The following PLD5 variants were observed in gnomAD, a reference collection of about 807,000 sequenced individuals.
The protein encoded by PLD5 is phospholipase D family member 5, also known as inactive phospholipase D5.
PLD5 carries 36 observed loss-of-function variants against 61.1 expected under a neutral mutation model. That is an observed-to-expected ratio of 0.59 (90% CI 0.45 to 0.78). The LOEUF (loss-of-function observed/expected upper bound fraction) is 0.78. PLD5 is among the 30% of genes least tolerant of loss of function. PLD5 has a pLI of 0.00. For synonymous variants in PLD5, 243 were observed against 242.8 expected (o/e 1.00, Z -0.01); for missense variants, 515 against 644.4 (o/e 0.80, Z 2.17).
intron 1 of PLD5, among the ~76,000 whole-genome samples, chr1:242,504,325 G>T (rs1259483387): frequency 6.6e-6 from 1 of 152,112 alleles, no homozygotes; most frequent in Non-Finnish European, 1.5e-5. Context: ...CAGTCCTGGG[G>T]CTTTCTTAAG....
intron 4 of PLD5, among the ~76,000 whole-genome samples, chr1:242,224,053 C>T (rs1417545660): frequency 6.6e-6 from 1 of 152,112 alleles, no homozygotes; most frequent in Non-Finnish European, 1.5e-5. Flanking sequence ...TGCTGTCTGA[C>T]TACAAAACAT....
At chr1:242,206,617 T>A (rs754560043) in intron 5 of PLD5, among the ~76,000 whole-genome samples, 42 of 152,156 alleles carry the variant, frequency 2.8e-4, no homozygotes, top group Non-Finnish European at 5.1e-4. Context: ...TAGCTTATAA[T>A]AAAGTAAGCT....
intron 2 of PLD5, among the ~76,000 whole-genome samples, chr1:242,327,695 C>G (rs1452321638): frequency 1.3e-5 from 2 of 152,140 alleles, no homozygotes; most frequent in Non-Finnish European, 2.9e-5. Context: ...TCATCATCTG[C>G]CATATGAAGT....
intron 9 of PLD5, among the ~76,000 whole-genome samples, chr1:242,100,174 G>A (rs945878380): frequency 6.6e-6 from 1 of 152,182 alleles, no homozygotes; most frequent in African/African-American, 2.4e-5. Context: ...AGAAAACTGA[G>A]GTTTGAAGAG....
chr1:242,153,917 G>A (rs1056575059), intron 5 of PLD5, among the ~76,000 whole-genome samples: 3 of 152,138 alleles, frequency 2.0e-5, no homozygotes, highest in Non-Finnish European at 4.4e-5. Context: ...GGATAGCATT[G>A]AATCTATAAA....
chr1:242,454,016 T>G (rs1421008841), intron 1 of PLD5, among the ~76,000 whole-genome samples: 2 of 152,096 alleles, frequency 1.3e-5, no homozygotes, highest in African/African-American at 4.8e-5. Context: ...AAGAGTCACA[T>G]GGACAAGATG....
chr1:242,471,342 G>T (rs1486192418), intron 1 of PLD5, among the ~76,000 whole-genome samples: 1 of 152,074 alleles, frequency 6.6e-6, no homozygotes, highest in Non-Finnish European at 1.5e-5. Flanking sequence ...TTTTACAAGA[G>T]ACCTTCCTCA....
chr1:242,114,660 A>T (rs1414471064), intron 6 of PLD5, among the ~76,000 whole-genome samples: 1 of 152,154 alleles, frequency 6.6e-6, no homozygotes, highest in Admixed American at 6.5e-5. Flanking sequence ...GGGGCATTAG[A>T]TTCTCATAGG....
At position 242,383,382 on chromosome 1, in the gene PLD5, A is replaced by G. The variant is rs552022299; in HGVS notation, c.190-35140T>C. ...TTTAGTATATTTAAGAAGTTTGTCT[A>G]TGTCCTCATTTTTATATCAAAACCC... is the stretch of plus-strand genomic sequence containing the variant. On this transcript the variant is annotated intron_variant, in intron 1 of 9. Coordinates refer to ENST00000536534, the MANE Select transcript of PLD5 (RefSeq NM_001372062.1). Among the ~76,000 whole-genome samples, 5 of 152,080 alleles carry G rather than the reference A, an allele frequency of 3.3e-5. No individual in the cohort carries two copies. The East Asian group carries it at 9.7e-4, about 29-fold the overall frequency.
intron 5 of PLD5, among the ~76,000 whole-genome samples, chr1:242,146,342 A>G (rs1558270376): frequency 6.6e-6 from 1 of 152,250 alleles, no homozygotes; most frequent in Non-Finnish European, 1.5e-5. Context: ...ATAAAAAGAT[A>G]ATACAACCAG....
chr1:242,442,880 G>T (rs1207895676), intron 1 of PLD5, among the ~76,000 whole-genome samples: 1 of 152,142 alleles, frequency 6.6e-6, no homozygotes, highest in African/African-American at 2.4e-5. Context: ...GTCCTAGATT[G>T]GATAAACGGG....
At chr1:242,304,219 T>C (rs1676219899) in intron 2 of PLD5, among the ~76,000 whole-genome samples, 1 of 152,212 alleles carries the variant, frequency 6.6e-6, no homozygotes, top group Non-Finnish European at 1.5e-5. Flanking sequence ...AAAGCATAAG[T>C]GTCAACTATG....
rs371365758 is a variant in PLD5, at chr1:242,261,166, C to T, written c.607+4171G>A. Among the ~76,000 whole-genome samples the T allele has an allele frequency of 4.6e-5, 7 of 152,250 alleles. No homozygotes were observed. In the South Asian group the frequency reaches 1.0e-3, roughly 23 times the overall value. On this transcript the variant is annotated intron_variant, in intron 4 of 9. Coordinates refer to ENST00000536534, the MANE Select transcript of PLD5 (RefSeq NM_001372062.1). The stretch of plus-strand genomic sequence containing the variant: ...GCAAGGTAAACAGTATGGCATTGGT[C>T]CTGGGATAAACAAGTAGACTGAGAA...
At position 242,275,341 on chromosome 1, in the gene PLD5, A is replaced by G. The variant is rs1674353850; in HGVS notation, c.496-9893T>C. ...GTTTAATCAATTAGTTAAATTTGCTATAAGATTGATATTTATTTACTTATA... is the reference window on the plus strand; with the variant it reads ...GTTTAATCAATTAGTTAAATTTGCTGTAAGATTGATATTTATTTACTTATA... On this transcript the variant is annotated intron_variant, in intron 3 of 9. Transcript: ENST00000536534. Among the ~76,000 whole-genome samples, 2 of 152,034 alleles carry G rather than the reference A, an allele frequency of 1.3e-5. 1 individual carries two copies. Among genetic ancestry groups the G allele is most frequent in the South Asian group, 4.1e-4 (2 of 4,822 alleles).
At chr1:242,426,171 T>C (rs1243243040) in intron 1 of PLD5, among the ~76,000 whole-genome samples, 2 of 152,154 alleles carry the variant, frequency 1.3e-5, no homozygotes, top group Non-Finnish European at 2.9e-5. Flanking sequence ...GGATCATCAA[T>C]GTCACTGTCT....
chr1:242,220,137 G>C (rs765027465), intron 4 of PLD5, 22 bp from the exon 5 acceptor site: 1 of 1,612,584 alleles, frequency 6.2e-7, no homozygotes, highest in South Asian at 1.1e-5. Context: ...AGGACAGTCT[G>C]GTCAGCCTCT....
chr1:242,275,433 C>T (rs1674358992), intron 3 of PLD5, among the ~76,000 whole-genome samples: 1 of 151,930 alleles, frequency 6.6e-6, no homozygotes, highest in African/African-American at 2.4e-5. Flanking sequence ...ACAAAGTTTG[C>T]CACAGATATA....
intron 1 of PLD5, among the ~76,000 whole-genome samples, chr1:242,366,335 C>T (rs1661338168): frequency 6.6e-6 from 1 of 152,124 alleles, no homozygotes; most frequent in Non-Finnish European, 1.5e-5. Flanking sequence ...TCTCTGTCTA[C>T]CTCAGCTTGC....
At position 242,372,945 on chromosome 1, in the gene PLD5, G is replaced by A. The variant is rs536624654; in HGVS notation, c.190-24703C>T. 3.2e-4 allele frequency among the ~76,000 whole-genome samples: 48 copies of A among 152,228 alleles called. 2 individuals carry two copies. In the South Asian group the frequency reaches 7.9e-3, roughly 25 times the overall value. ...AACAAAAGCCAGAATTGACAAATGGGATCTAATTAAACTAAAGAGCTTCTG... is the reference window on the plus strand; with the variant it reads ...AACAAAAGCCAGAATTGACAAATGGAATCTAATTAAACTAAAGAGCTTCTG... On this transcript the variant is annotated intron_variant, in intron 1 of 9. Coordinates refer to ENST00000536534, the MANE Select transcript of PLD5 (RefSeq NM_001372062.1).
Sources: gnomAD v4.1 joint callset for allele counts (sites outside exome capture counted in the v4.1 genomes callset) on GRCh38, gnomAD v4.1.1 for gene constraint, MANE v1.5 for transcripts, NCBI Gene and HGNC (gene_info 2026-07-23, HGNC 2026-07-21) for gene names.